CAPRIN1: variants seen among roughly 807,000 people sequenced by gnomAD.
The protein encoded by CAPRIN1 is cell cycle associated protein 1.
In CAPRIN1, 29 loss-of-function variants were observed where a neutral mutation model predicts 100.9. The observed-to-expected ratio is 0.29, with a 90% CI of 0.21 to 0.39. The LOEUF (loss-of-function observed/expected upper bound fraction) is 0.39, where lower values mean the gene tolerates loss of function less well. CAPRIN1 is among the 10% of genes least tolerant of loss of function. The pLI is 1.00. For synonymous variants in CAPRIN1, 338 were observed against 307.5 expected, an observed-to-expected ratio of 1.10 and a Z score of -1.04; for missense variants, 795 against 876.7, an observed-to-expected ratio of 0.91 and a Z score of 1.18.
chr11:34,079,533 T>C (rs1850969361), intron 6 of CAPRIN1, 95 bp from the exon 7 acceptor site: 2 of 1,019,168 alleles, frequency 2.0e-6, no homozygotes, highest in African/African-American at 3.2e-5. Context: ...GTAACAGTTA[T>C]TTTTTAATCA....
intron 15 of CAPRIN1, among the ~76,000 whole-genome samples, chr11:34,094,967 C>T (rs1851340753): frequency 6.6e-6 from 1 of 152,082 alleles, no homozygotes; most frequent in Admixed American, 6.6e-5. Context: ...ACTACAACTT[C>T]TTCCTTCCAG....
chr11:34,089,383 T>G lies in CAPRIN1; in HGVS notation c.1232-12T>G. ...ATTTTGTTTGACAAAAATGTTTTGG[T>G]CACCTTTGCAGTTCATTCTGAATCT... On this transcript the variant is annotated splice_polypyrimidine_tract_variant and intron_variant, in intron 11 of 18. Transcript: ENST00000341394. The G allele has an allele frequency of 6.3e-7, 1 of 1,578,184 alleles. No homozygotes were observed. The highest frequency in any genetic ancestry group is 8.6e-7 in the Non-Finnish European group (1 of 1,158,564).
chr11:34,071,539 T>G (rs2134103941), intron 2 of CAPRIN1, among the ~76,000 whole-genome samples, 187 bp from the exon 3 acceptor site: 1 of 152,150 alleles, frequency 6.6e-6, no homozygotes, highest in Non-Finnish European at 1.5e-5. Flanking sequence ...CACGCTAGCC[T>G]GGGTGACGAG....
chr11:34,072,180 T>A (rs939381742), intron 4 of CAPRIN1, among the ~76,000 whole-genome samples, 193 bp downstream of exon 4: 4 of 152,070 alleles, frequency 2.6e-5, no homozygotes, highest in Non-Finnish European at 5.9e-5. Context: ...AGTTTGAAAT[T>A]GGGGGCGGTG....
chr11:34,095,197 G>T (rs1851346605), intron 15 of CAPRIN1, among the ~76,000 whole-genome samples: 1 of 151,960 alleles, frequency 6.6e-6, no homozygotes, highest in Non-Finnish European at 1.5e-5. Flanking sequence ...CACCCAGCCT[G>T]GCTATGAATT....
Position 34,082,821 on chromosome 11 carries a change from T to A in CAPRIN1, c.827-4T>A. On this transcript the variant is annotated splice_region_variant and splice_polypyrimidine_tract_variant and intron_variant, in intron 7 of 18. Coordinates refer to ENST00000341394, the MANE Select transcript of CAPRIN1 (RefSeq NM_005898.5). ...TTGTTTTGCACCATTTTTTAACCTC[T>A]TAGAACCTGAGCCAGCAGAAGAGTA... 6.2e-7 allele frequency: 1 copy of A among 1,612,780 alleles called. No homozygotes were observed. The highest frequency in any genetic ancestry group is 8.5e-7 in the Non-Finnish European group (1 of 1,179,584).
chr11:34,063,468 A>T (rs998666992), intron 2 of CAPRIN1: 1 of 152,252 alleles, frequency 6.6e-6, no homozygotes, highest in Non-Finnish European at 1.5e-5. Context: ...AATGTCTGTT[A>T]CATAGTGAAT....
chr11:34,072,022 C>G (rs371207017), intron 4 of CAPRIN1, 35 bp downstream of exon 4: 24 of 1,427,498 alleles, frequency 1.7e-5, no homozygotes, highest in Non-Finnish European at 2.2e-5. Context: ...TTATGAAATA[C>G]TTTTGTTGTT....
chr11:34,079,696 C>A lies in CAPRIN1; in HGVS notation c.757C>A (p.Gln253Lys), dbSNP rs1427023593. Residue 253 changes from glutamine (Q) to lysine (K), a missense_variant, in exon 7 of 19, where the codon CAG (glutamine) becomes AAG (lysine). This residue lies in a region of CAPRIN1 where 648 missense variants were observed against 697.9 expected (regional missense o/e 0.93). Transcript: ENST00000341394. ...CTACTTTGACAGCACCCACAACCAC[C>A]AGAATGGGCTGTGTGAGGAAGAAGA... is the stretch of plus-strand genomic sequence containing the variant. ...SNYFDSTHNHQNGLCEEEEAA... is the reference protein window; with the variant it reads ...SNYFDSTHNHKNGLCEEEEAA... 5.0e-6 allele frequency: 8 copies of A among 1,613,874 alleles called. No homozygotes were observed. The Admixed American group carries it at 1.3e-4, about 27-fold the overall frequency.
intron 15 of CAPRIN1, among the ~76,000 whole-genome samples, chr11:34,092,931 C>T: frequency 6.6e-6 from 1 of 152,032 alleles, no homozygotes; most frequent in Non-Finnish European, 1.5e-5. Context: ...TAACTCACTG[C>T]AGCCTCAAAC....
At chr11:34,087,116 A>G (rs1272256655) in intron 11 of CAPRIN1, among the ~76,000 whole-genome samples, 1 of 152,210 alleles carries the variant, frequency 6.6e-6, no homozygotes, top group Non-Finnish European at 1.5e-5. Flanking sequence ...CCTTCTCTCC[A>G]GGACTATTAG....
At chr11:34,090,902 C>T (rs553942680) in intron 14 of CAPRIN1, among the ~76,000 whole-genome samples, 2 of 152,242 alleles carry the variant, frequency 1.3e-5, no homozygotes, top group Non-Finnish European at 2.9e-5. Flanking sequence ...CCTGTATCAT[C>T]TTAATTTGTA....
chr11:34,088,234 A>T (rs946255448), intron 11 of CAPRIN1, among the ~76,000 whole-genome samples: 9 of 151,702 alleles, frequency 5.9e-5, no homozygotes, highest in African/African-American at 1.9e-4. Flanking sequence ...CAATCTCTTG[A>T]CCTCGTGATC....
Position 34,100,920 on chromosome 11 carries a change from A to G in CAPRIN1, c.*1553A>G, listed in dbSNP as rs1164326454. 1 of 152,648 alleles carries G rather than the reference A, an allele frequency of 6.6e-6. No individual in the cohort carries two copies. The highest frequency in any genetic ancestry group is 2.4e-5 in the African/African-American group (1 of 41,446). 9.5% of individuals were successfully genotyped at this position (152,648 alleles called of 1,614,324 possible). A position where few individuals can be genotyped will look rare whatever the true frequency, so the allele number is the denominator to read the frequency against. On this transcript the variant is annotated 3_prime_UTR_variant, in exon 19 of 19. Transcript: ENST00000341394. The stretch of plus-strand genomic sequence containing the variant: ...AGTTAATGGTATTTTCTGTGCAGAA[A>G]TTAAATTTTATTTTCAGCATTTAGC...
chr11:34,096,836 A>G (rs539807866), intron 16 of CAPRIN1, among the ~76,000 whole-genome samples, 163 bp downstream of exon 16: 1 of 152,316 alleles, frequency 6.6e-6, no homozygotes, highest in East Asian at 1.9e-4. Context: ...TATTTGGTAT[A>G]ATTTGTTATT....
chr11:34,089,675 T>G (rs1851226295), intron 12 of CAPRIN1, among the ~76,000 whole-genome samples: 1 of 152,168 alleles, frequency 6.6e-6, no homozygotes, highest in African/African-American at 2.4e-5. Context: ...TCTTAGCTTA[T>G]GAAAGAAAAT....
At chr11:34,053,949 A>G (rs1446686143) in intron 2 of CAPRIN1, among the ~76,000 whole-genome samples, 1 of 152,180 alleles carries the variant, frequency 6.6e-6, no homozygotes, top group Non-Finnish European at 1.5e-5. Flanking sequence ...AGGAAAACAT[A>G]TTTATAACAT....
intron 2 of CAPRIN1, among the ~76,000 whole-genome samples, chr11:34,064,921 AACTT>A (rs1028715543): frequency 8.6e-5 from 13 of 151,260 alleles, no homozygotes; most frequent in African/African-American, 2.4e-4. Context: ...TTTATTAAAC[AACTT>A]ACTTCCAAAT....
In CAPRIN1 at chr11:34,071,751, G is replaced by A; in HGVS notation, c.242G>A (p.Arg81Gln). The part of the protein sequence containing the change: ...KKGKLDDYQE[R>Q]MNKGERLNQD... ...GGTAAGCTTGATGATTACCAGGAAC[G>A]AATGAACAAAGGGGAAAGGCTTAAT... Residue 81 changes from arginine to glutamine, a missense_variant, in exon 3 of 19, where the codon CGA (arginine) becomes CAA (glutamine). By Grantham distance (43) the Arg-to-Gln change is conservative. Transcript: ENST00000341394. 6.2e-7 allele frequency: 1 copy of A among 1,612,096 alleles called. No homozygotes were observed. Among genetic ancestry groups the A allele is most frequent in the Non-Finnish European group, 8.5e-7 (1 of 1,178,400 alleles).
Sources: allele counts gnomAD v4.1 joint callset (sites outside exome capture counted in the v4.1 genomes callset), GRCh38; gene constraint gnomAD v4.1.1; regional missense constraint gnomAD v4.1.1; transcripts MANE v1.5; gene names NCBI Gene and HGNC (gene_info 2026-07-23, HGNC 2026-07-21).